PRCP: variants seen among roughly 807,000 people sequenced by gnomAD.
PRCP encodes the protein lysosomal Pro-X carboxypeptidase.
In PRCP, 46 loss-of-function variants were observed where a neutral mutation model predicts 54.2. The observed-to-expected ratio is 0.85, with a 90% CI of 0.67 to 1.09. The LOEUF is 1.09. Among genes scored for constraint, PRCP ranks in the 50% least tolerant of loss-of-function variants. The pLI is 0.00. For missense variants in PRCP, 613 were observed against 596.8 expected, an observed-to-expected ratio of 1.03 and a Z score of -0.28; for synonymous variants, 240 against 212.2, an observed-to-expected ratio of 1.13 and a Z score of -1.14.
rs1302397663 is a variant in PRCP at position 82,853,212 on chromosome 11, C to T, written c.376G>A (p.Gly126Arg). 1.8e-5 allele frequency: 29 copies of T among 1,612,066 alleles called. No individual in the cohort carries two copies. The highest frequency in any genetic ancestry group is 2.4e-5 in the Non-Finnish European group (28 of 1,178,840). ...TTGTCACCAAAGGGGAGAGACTCTC[C>T]ATAGTATCGATGTTCAGCAAACACC... is the stretch of plus-strand genomic sequence containing the variant. ...MLVFAEHRYYGESLPFGDNSF... is the reference protein window; with the variant it reads ...MLVFAEHRYYRESLPFGDNSF... The change falls in exon 3 of 9, where the codon GGA (glycine) becomes AGA (arginine). Residue 126 changes from glycine to arginine, a missense_variant. Gly to Arg is a moderately radical substitution (Grantham distance 125). Coordinates refer to ENST00000313010, the MANE Select transcript of PRCP (RefSeq NM_005040.4).
intron 1 of PRCP, among the ~76,000 whole-genome samples, chr11:82,890,354 A>G (rs529545504): frequency 1.3e-5 from 2 of 152,272 alleles, no homozygotes; most frequent in African/African-American, 4.8e-5. Context: ...ACAAGTTCTC[A>G]CTACCATACC....
At chr11:82,888,568 T>A (rs763728236) in intron 1 of PRCP, among the ~76,000 whole-genome samples, 1 of 152,142 alleles carries the variant, frequency 6.6e-6, no homozygotes, top group Admixed American at 6.5e-5. Flanking sequence ...CCCTCGCCCA[T>A]ACACAAAACA....
At chr11:82,879,462 G>A (rs567715376) in intron 1 of PRCP, among the ~76,000 whole-genome samples, 5 of 152,126 alleles carry the variant, frequency 3.3e-5, no homozygotes, top group Non-Finnish European at 5.9e-5. Context: ...GCTTCTTTGC[G>A]ATGGGTTCAA....
intron 6 of PRCP, chr11:82,840,084 G>A (rs183914244): frequency 8.6e-5 from 13 of 151,848 alleles, no homozygotes; most frequent in Middle Eastern, 3.4e-3. Context: ...ATAAAATCTC[G>A]TATGGAAAAA....
intron 1 of PRCP, among the ~76,000 whole-genome samples, chr11:82,893,605 A>G (rs572580030): frequency 2.6e-5 from 4 of 152,256 alleles, no homozygotes; most frequent in African/African-American, 9.6e-5. Context: ...CAGCCTGGGC[A>G]ACATAACGAG....
intron 8 of PRCP, among the ~76,000 whole-genome samples, chr11:82,832,496 T>C (rs1028600891): frequency 6.6e-6 from 1 of 152,248 alleles, no homozygotes; most frequent in Non-Finnish European, 1.5e-5. Context: ...GCCGCATAAA[T>C]ATCTTCTTTT....
At chr11:82,845,097 A>C (rs1206358620) in intron 6 of PRCP, among the ~76,000 whole-genome samples, 3 of 152,098 alleles carry the variant, frequency 2.0e-5, no homozygotes, top group African/African-American at 7.2e-5. Flanking sequence ...ATAAAGATGA[A>C]CATTCAGGAA....
At chr11:82,826,918 A>G (rs1246245181) in intron 8 of PRCP, 1 of 152,202 alleles carries the variant, frequency 6.6e-6, no homozygotes, top group Non-Finnish European at 1.5e-5. Flanking sequence ...TCTGCCTCTC[A>G]TCTGCCTAAT....
intron 2 of PRCP, among the ~76,000 whole-genome samples, chr11:82,854,519 G>T (rs1304284618): frequency 6.6e-6 from 1 of 151,948 alleles, no homozygotes; most frequent in Non-Finnish European, 1.5e-5. Flanking sequence ...ACAAAGAAAT[G>T]GAAAGACATT....
At chr11:82,891,450 T>C (rs547704338) in intron 1 of PRCP, among the ~76,000 whole-genome samples, 1 of 152,332 alleles carries the variant, frequency 6.6e-6, no homozygotes, top group South Asian at 2.1e-4. Context: ...TTTCTTAAGA[T>C]TTATTAATCA....
At chr11:82,879,960 C>G (rs1182841775) in intron 1 of PRCP, among the ~76,000 whole-genome samples, 1 of 152,206 alleles carries the variant, frequency 6.6e-6, no homozygotes, top group South Asian at 2.1e-4. Context: ...GGAAGTGTCT[C>G]CCAGTTAGGC....
intron 1 of PRCP, among the ~76,000 whole-genome samples, chr11:82,879,375 C>A (rs981936344): frequency 1.3e-5 from 2 of 152,174 alleles, no homozygotes; most frequent in Non-Finnish European, 2.9e-5. Context: ...GTTTTCAGCT[C>A]CATCACGTCA....
Position 82,853,236 on chromosome 11 carries a change from C to A in PRCP, c.352G>T (p.Val118Leu), listed in dbSNP as rs779116163. The change falls in exon 3 of 9, where the codon GTG (valine) becomes TTG (leucine). Residue 118 changes from valine (V) to leucine (L), a missense_variant. By Grantham distance (32) the Val-to-Leu change is conservative (BLOSUM62 1). Coordinates refer to ENST00000313010, the MANE Select transcript of PRCP (RefSeq NM_005040.4). Reference sequence around the variant, plus strand: ...CCATAGTATCGATGTTCAGCAAACACCAACATAGCTTTCAGTTCCTCAGCC... The same window carrying A: ...CCATAGTATCGATGTTCAGCAAACAACAACATAGCTTTCAGTTCCTCAGCC... ...DVAEELKAML[V>L]FAEHRYYGES... 6.2e-7 allele frequency: 1 copy of A among 1,613,102 alleles called. No homozygotes were observed. The highest frequency in any genetic ancestry group is 8.5e-7 in the Non-Finnish European group (1 of 1,179,470).
chr11:82,890,843 A>G (rs887600636), intron 1 of PRCP, among the ~76,000 whole-genome samples: 1 of 152,170 alleles, frequency 6.6e-6, no homozygotes, highest in Non-Finnish European at 1.5e-5. Context: ...TGCTTTTTTC[A>G]TTAAGTAATC....
chr11:82,838,218 A>C lies in PRCP; in HGVS notation c.1274+169T>G, dbSNP rs150561697. Among the ~76,000 whole-genome samples, 947 of 152,300 alleles carry C rather than the reference A, an allele frequency of 6.2e-3. 9 individuals carry two copies. Among genetic ancestry groups the C allele is most frequent in the African/African-American group, 0.022 (902 of 41,562 alleles). ...AAGCACATTGGTAATAGAGCAAAAA[A>C]TCCTATCTCTTCTCAGCATCCTATC... is the stretch of plus-strand genomic sequence containing the variant. On this transcript the variant is annotated intron_variant, in intron 8 of 8. Transcript: ENST00000313010.
At chr11:82,831,705 G>C (rs1858386931) in intron 8 of PRCP, among the ~76,000 whole-genome samples, 2 of 152,012 alleles carry the variant, frequency 1.3e-5, no homozygotes, top group Admixed American at 6.5e-5. Context: ...TTTCCACAGG[G>C]CTCCTTGGAC....
rs558517860 is a variant in PRCP at position 82,837,813 on chromosome 11, T to C, written c.1274+574A>G. ...ACAGTGTAATGTAGAAAAACAAACA[T>C]GGGATTTGTAGTCAGGCCATGATAG... On this transcript the variant is annotated intron_variant, in intron 8 of 8. Coordinates refer to ENST00000313010, the MANE Select transcript of PRCP (RefSeq NM_005040.4). Among the ~76,000 whole-genome samples, 6 of 152,232 alleles carry C rather than the reference T, an allele frequency of 3.9e-5. No homozygotes were observed. The Middle Eastern group carries it at 0.01, about 259-fold the overall frequency.
chr11:82,900,966 G>A (rs975292391), upstream of PRCP: 3 of 421,106 alleles, frequency 7.1e-6, no homozygotes, highest in Non-Finnish European at 1.4e-5. Context: ...AATCGTCACA[G>A]CAATCTTGTG....
intron 8 of PRCP, chr11:82,827,628 C>T (rs1858270408): frequency 1.3e-5 from 2 of 152,140 alleles, no homozygotes; most frequent in Admixed American, 1.3e-4. Context: ...ATATGTCTAT[C>T]CTTATGCCAG....
Sources: allele counts gnomAD v4.1 joint callset (sites outside exome capture counted in the v4.1 genomes callset), GRCh38; gene constraint gnomAD v4.1.1; transcripts MANE v1.5; gene names NCBI Gene and HGNC (gene_info 2026-07-23, HGNC 2026-07-21).